Variants in ZBTB20 observed in about 807,000 individuals in gnomAD.
ZBTB20 encodes zinc finger and BTB domain-containing protein 20.
A neutral mutation model predicts 56.9 loss-of-function variants in ZBTB20; 9 were observed. The ratio of observed to expected loss-of-function variants is 0.16; its 90% CI spans 0.10 to 0.28. The LOEUF (loss-of-function observed/expected upper bound fraction) is 0.28. Among genes scored for constraint, ZBTB20 ranks in the 10% least tolerant of loss-of-function variants. ZBTB20 has a pLI of 1.00. For missense variants in ZBTB20, 655 were observed against 1,003.0 expected (o/e 0.65, Z 4.69); for synonymous variants, 417 against 420.7 (o/e 0.99, Z 0.11).
intron 6 of ZBTB20, among the ~76,000 whole-genome samples, chr3:114,689,496 T>C (rs1451474365): frequency 1.3e-5 from 2 of 152,092 alleles, no homozygotes; most frequent in Non-Finnish European, 1.5e-5. Context: ...AAATGTCTTA[T>C]AGCTTGAGGA....
At chr3:114,700,978 T>C (rs1016595751) in intron 5 of ZBTB20, among the ~76,000 whole-genome samples, 1 of 152,140 alleles carries the variant, frequency 6.6e-6, no homozygotes, top group Admixed American at 6.5e-5. Flanking sequence ...ACATAGCAAC[T>C]ATTTAATAAT....
chr3:114,343,554 G>A (rs2079956357), intron 11 of ZBTB20, among the ~76,000 whole-genome samples: 1 of 152,198 alleles, frequency 6.6e-6, no homozygotes, highest in African/African-American at 2.4e-5. Flanking sequence ...AGAGGAGAAG[G>A]TGGGTAGCAG....
intron 7 of ZBTB20, among the ~76,000 whole-genome samples, chr3:114,400,103 T>C (rs1347789726): frequency 1.3e-5 from 2 of 152,136 alleles, no homozygotes; most frequent in Non-Finnish European, 2.9e-5. Context: ...GTCAACAAGC[T>C]TTGTAGCAAA....
intron 1 of ZBTB20, among the ~76,000 whole-genome samples, chr3:115,145,168 G>A (rs2084926870): frequency 1.3e-5 from 2 of 152,180 alleles, no homozygotes; most frequent in Admixed American, 1.3e-4. Context: ...AGATGGCACA[G>A]GGATATCACC....
intron 3 of ZBTB20, among the ~76,000 whole-genome samples, chr3:114,968,710 T>C (rs993500611): frequency 1.3e-5 from 2 of 152,244 alleles, no homozygotes; most frequent in Non-Finnish European, 2.9e-5. Context: ...GGGCTATTGA[T>C]AAATAATCAT....
chr3:114,809,472 T>A (rs552489660), intron 4 of ZBTB20, among the ~76,000 whole-genome samples: 5 of 152,254 alleles, frequency 3.3e-5, no homozygotes, highest in East Asian at 3.9e-4. Context: ...TGCAATTTTT[T>A]AATTTCCATT....
intron 7 of ZBTB20, among the ~76,000 whole-genome samples, chr3:114,454,246 C>T (rs1405039142): frequency 6.2e-5 from 9 of 145,176 alleles, no homozygotes; most frequent in African/African-American, 2.1e-4. Context: ...TAGGAAGCAG[C>T]GTTTTTTTCT....
chr3:114,771,303 T>C (rs1408506025), intron 5 of ZBTB20, among the ~76,000 whole-genome samples: 1 of 152,202 alleles, frequency 6.6e-6, no homozygotes, highest in East Asian at 1.9e-4. Flanking sequence ...TACATATATC[T>C]GACTTCAACT....
At chr3:115,085,708 T>C (rs944558913) in intron 1 of ZBTB20, among the ~76,000 whole-genome samples, 3 of 151,946 alleles carry the variant, frequency 2.0e-5, no homozygotes, top group Non-Finnish European at 4.4e-5. Context: ...ATATGCCACA[T>C]TTGCCTCAGG....
chr3:114,445,938 T>C (rs192125950), intron 7 of ZBTB20, among the ~76,000 whole-genome samples: 1 of 152,308 alleles, frequency 6.6e-6, no homozygotes, highest in East Asian at 1.9e-4. Context: ...TCTTTTGCTG[T>C]AGTTAAAACC....
At chr3:114,616,126 C>T (rs2057924544) in intron 6 of ZBTB20, among the ~76,000 whole-genome samples, 1 of 152,152 alleles carries the variant, frequency 6.6e-6, no homozygotes, top group African/African-American at 2.4e-5. Context: ...AGACGCATGC[C>T]CTGATGTGAA....
At chr3:115,110,482 ATCTT>A (rs2083845137) in intron 1 of ZBTB20, among the ~76,000 whole-genome samples, 1 of 152,230 alleles carries the variant, frequency 6.6e-6, no homozygotes, top group African/African-American at 2.4e-5. Context: ...TAAAATATCT[ATCTT>A]CTTCATTTGT....
chr3:115,019,564 T>C (rs1472131279), intron 2 of ZBTB20, among the ~76,000 whole-genome samples: 2 of 151,304 alleles, frequency 1.3e-5, no homozygotes, highest in African/African-American at 4.8e-5. Context: ...TTAGCGGACA[T>C]CTAAGTACTT....
chr3:115,040,087 A>C (rs188351020), intron 2 of ZBTB20, among the ~76,000 whole-genome samples: 55 of 152,230 alleles, frequency 3.6e-4, no homozygotes, highest in Middle Eastern at 3.4e-3. Flanking sequence ...AAATATATAC[A>C]ATTTCATTTG....
chr3:115,075,941 C>T (rs573991671), intron 1 of ZBTB20, among the ~76,000 whole-genome samples: 1 of 151,908 alleles, frequency 6.6e-6, no homozygotes, highest in Admixed American at 6.6e-5. Flanking sequence ...TTGTAGGACA[C>T]AAAATCAACA....
chr3:114,861,679 C>CCACACACACACA (rs35113346), intron 4 of ZBTB20: 1 of 53,870 alleles, frequency 1.9e-5, no homozygotes, highest in African/African-American at 3.2e-5. Flanking sequence ...AAGACACACA[C>CCACACACACACA]CACACACACA....
chr3:114,483,461 A>G (rs1035502751), intron 7 of ZBTB20, among the ~76,000 whole-genome samples: 5 of 151,866 alleles, frequency 3.3e-5, no homozygotes, highest in Admixed American at 6.6e-5. Context: ...GTATAGGTAC[A>G]GCAAGCAGAA....
intron 6 of ZBTB20, among the ~76,000 whole-genome samples, chr3:114,659,959 T>C (rs2060629517): frequency 6.6e-6 from 1 of 152,096 alleles, no homozygotes; most frequent in Non-Finnish European, 1.5e-5. Context: ...AATGATTCTC[T>C]TTGTCTTTTC....
chr3:115,013,100 T>C (rs536454116), intron 2 of ZBTB20, among the ~76,000 whole-genome samples: 9 of 151,526 alleles, frequency 5.9e-5, no homozygotes, highest in Middle Eastern at 3.4e-3. Context: ...CTTTAAGTAC[T>C]TACATGAAAA....
Sources: gnomAD v4.1 joint callset for allele counts (sites outside exome capture counted in the v4.1 genomes callset) on GRCh38, gnomAD v4.1.1 for gene constraint, MANE v1.5 for transcripts, NCBI Gene and HGNC (gene_info 2026-07-23, HGNC 2026-07-21) for gene names.